DLG2: variants seen among roughly 807,000 people sequenced by gnomAD.
The protein encoded by DLG2 is disks large homolog 2.
DLG2 carries 45 observed loss-of-function variants against 132.5 expected under a neutral mutation model. That is an observed-to-expected ratio of 0.34 (90% CI 0.27 to 0.44). DLG2 has a LOEUF of 0.44. Ranked by LOEUF, DLG2 falls within the 20% of genes least tolerant of loss-of-function variation. The pLI is 1.00. For missense variants in DLG2, 1,045 were observed against 1,196.9 expected, an observed-to-expected ratio of 0.87 and a Z score of 1.87; for synonymous variants, 424 against 419.6, an observed-to-expected ratio of 1.01 and a Z score of -0.13.
intron 6 of DLG2, among the ~76,000 whole-genome samples, chr11:84,563,479 T>C (rs1234330055): frequency 2.0e-5 from 3 of 152,174 alleles, no homozygotes; most frequent in Non-Finnish European, 4.4e-5. Context: ...GAAGGAATCA[T>C]GCTTTTTTTC....
chr11:84,069,758 T>G (rs1300026699), intron 10 of DLG2, among the ~76,000 whole-genome samples: 1 of 152,220 alleles, frequency 6.6e-6, no homozygotes. Context: ...TATTTCAGCA[T>G]CAGTGATTGG....
chr11:83,665,238 A>G (rs1048653775), intron 18 of DLG2, among the ~76,000 whole-genome samples: 12 of 152,178 alleles, frequency 7.9e-5, no homozygotes, highest in African/African-American at 2.9e-4. Flanking sequence ...GGAATCTTGC[A>G]TAGAAGAGGC....
chr11:84,815,713 T>C (rs2077018733), intron 6 of DLG2, among the ~76,000 whole-genome samples: 1 of 152,044 alleles, frequency 6.6e-6, no homozygotes, highest in Non-Finnish European at 1.5e-5. Flanking sequence ...ATGCATTTAA[T>C]GATTTTCAAA....
intron 11 of DLG2, among the ~76,000 whole-genome samples, chr11:84,002,312 TG>T: frequency 6.6e-6 from 1 of 152,286 alleles, no homozygotes; most frequent in East Asian, 1.9e-4. Flanking sequence ...GTCTGGAGGA[TG>T]GGGGCCCTCT....
At chr11:85,032,690 C>G (rs2061113507) in intron 6 of DLG2, among the ~76,000 whole-genome samples, 1 of 152,138 alleles carries the variant, frequency 6.6e-6, no homozygotes, top group African/African-American at 2.4e-5. Flanking sequence ...CCTATCACTT[C>G]TAGTTTTTAC....
chr11:83,735,845 A>C (rs1453243046), intron 18 of DLG2, among the ~76,000 whole-genome samples: 1 of 152,202 alleles, frequency 6.6e-6, no homozygotes, highest in African/African-American at 2.4e-5. Context: ...AGATGAAAAG[A>C]CAGGTCCAGG....
intron 21 of DLG2, 22 bp downstream of exon 21, chr11:83,532,686 G>GT (rs2095785427): frequency 6.2e-7 from 1 of 1,607,786 alleles, no homozygotes; most frequent in Admixed American, 1.7e-5. Flanking sequence ...AGAACTTGAT[G>GT]TTTCCATCAT....
intron 7 of DLG2, among the ~76,000 whole-genome samples, chr11:84,529,300 C>G (rs2099329685): frequency 6.6e-6 from 1 of 152,130 alleles, no homozygotes; most frequent in Admixed American, 6.5e-5. Flanking sequence ...ACAAAGCAAT[C>G]AGGCAAGAGA....
intron 6 of DLG2, among the ~76,000 whole-genome samples, chr11:84,813,764 G>A (rs529697811): frequency 4.6e-5 from 7 of 152,088 alleles, no homozygotes; most frequent in East Asian, 1.9e-4. Context: ...GTATTTAAAC[G>A]ATGTGAAGAC....
At chr11:83,794,666 C>T (rs984675425) in intron 17 of DLG2, among the ~76,000 whole-genome samples, 2 of 151,984 alleles carry the variant, frequency 1.3e-5, no homozygotes, top group Admixed American at 1.3e-4. Context: ...TATATTATTT[C>T]ATTTAATCCT....
At position 83,712,435 on chromosome 11, in the gene DLG2, C is replaced by T. The variant is rs548619013; in HGVS notation, c.1825+74255G>A. On this transcript the variant is annotated intron_variant, in intron 18 of 27. Transcript: ENST00000376104. ...CCTGAGGTCAGGAGTTTGAGACCAG[C>T]CTAACCAACATGGTGAAATCCCCTC... 8.5e-5 allele frequency among the ~76,000 whole-genome samples: 13 copies of T among 152,078 alleles called. 1 individual carries two copies. In the South Asian group the frequency reaches 2.7e-3, roughly 32 times the overall value.
intron 15 of DLG2, among the ~76,000 whole-genome samples, chr11:83,914,831 G>A (rs12279163): frequency 0.18 from 27,575 of 152,064 alleles, 2,751 homozygotes; most frequent in Non-Finnish European, 0.23. Context: ...ATCGATATCC[G>A]GTAGGTATGT....
chr11:84,359,828 C>A (rs1051323619), intron 7 of DLG2, among the ~76,000 whole-genome samples: 2 of 151,864 alleles, frequency 1.3e-5, no homozygotes, highest in Non-Finnish European at 2.9e-5. Flanking sequence ...AACAGATTAT[C>A]CTATTATGCT....
intron 7 of DLG2, among the ~76,000 whole-genome samples, chr11:84,298,381 G>C (rs1041118785): frequency 6.6e-6 from 1 of 151,972 alleles, no homozygotes; most frequent in African/African-American, 2.4e-5. Context: ...TGATTGTCTG[G>C]GCTTTCAAAA....
At chr11:85,620,988 A>G (rs893527555) in intron 2 of DLG2, among the ~76,000 whole-genome samples, 1 of 152,242 alleles carries the variant, frequency 6.6e-6, no homozygotes, top group Non-Finnish European at 1.5e-5. Context: ...CAAAGTTTCA[A>G]AGGACAGGCT....
At chr11:84,088,282 C>T (rs187767836) in intron 10 of DLG2, among the ~76,000 whole-genome samples, 79 of 151,766 alleles carry the variant, frequency 5.2e-4, no homozygotes, top group African/African-American at 1.6e-3. Flanking sequence ...GTCTATGATC[C>T]CATTTAATTA....
chr11:84,944,455 C>T (rs1479109401), intron 6 of DLG2, among the ~76,000 whole-genome samples: 1 of 151,988 alleles, frequency 6.6e-6, no homozygotes, highest in Non-Finnish European at 1.5e-5. Context: ...CATATATTTT[C>T]AAACTGCCTG....
chr11:85,496,150 G>A (rs571565499), intron 3 of DLG2, among the ~76,000 whole-genome samples: 18 of 152,320 alleles, frequency 1.2e-4, no homozygotes, highest in Admixed American at 2.6e-4. Context: ...TCCTAGCCAA[G>A]GGAAGCCATG....
intron 6 of DLG2, among the ~76,000 whole-genome samples, chr11:85,083,709 A>G (rs552297441): frequency 2.0e-5 from 3 of 152,302 alleles, no homozygotes; most frequent in African/African-American, 7.2e-5. Context: ...TGGAATCAAC[A>G]GAAGAGAGTA....
Sources: gnomAD v4.1 joint callset for allele counts (sites outside exome capture counted in the v4.1 genomes callset) on GRCh38, gnomAD v4.1.1 for gene constraint, MANE v1.5 for transcripts, NCBI Gene and HGNC (gene_info 2026-07-23, HGNC 2026-07-21) for gene names.